Variants in WWOX observed in about 807,000 individuals in gnomAD.
The protein encoded by WWOX is WW domain-containing oxidoreductase.
In WWOX, 69 loss-of-function variants were observed where a neutral mutation model predicts 46.2. The ratio of observed to expected loss-of-function variants is 1.49; its 90% CI spans 1.23 to 1.82. The LOEUF is 1.82. Ranked by LOEUF, WWOX falls within the 40% of genes most tolerant of loss-of-function variation. The pLI is 0.00. For missense variants in WWOX, 919 were observed against 542.6 expected, an observed-to-expected ratio of 1.69 and a Z score of -6.89; for synonymous variants, 359 against 202.6, an observed-to-expected ratio of 1.77 and a Z score of -6.56.
At chr16:78,651,875 G>T (rs1340614532) in intron 8 of WWOX, among the ~76,000 whole-genome samples, 1 of 152,152 alleles carries the variant, frequency 6.6e-6, no homozygotes, top group Non-Finnish European at 1.5e-5. Context: ...TGTGTAGAAT[G>T]GGGAGTATTG....
intron 5 of WWOX, among the ~76,000 whole-genome samples, chr16:78,224,982 G>A (rs139433828): frequency 9.9e-5 from 15 of 152,170 alleles, no homozygotes; most frequent in African/African-American, 3.6e-4. Context: ...TATGTGTTCA[G>A]GAACTATTTA....
At chr16:79,067,243 T>A (rs899293889) in intron 8 of WWOX, among the ~76,000 whole-genome samples, 21 of 152,292 alleles carry the variant, frequency 1.4e-4, no homozygotes, top group African/African-American at 5.1e-4. Flanking sequence ...ACGATTGCTT[T>A]AAAACACATC....
intron 8 of WWOX, among the ~76,000 whole-genome samples, chr16:78,778,663 A>G (rs1370369947): frequency 6.6e-6 from 1 of 152,158 alleles, no homozygotes; most frequent in Non-Finnish European, 1.5e-5. Flanking sequence ...TGAAATGGGA[A>G]CATCACTTAC....
chr16:78,797,172 C>G (rs975560951), intron 8 of WWOX, among the ~76,000 whole-genome samples: 2 of 151,984 alleles, frequency 1.3e-5, no homozygotes, highest in African/African-American at 2.4e-5. Context: ...CCTGCCCTGT[C>G]TGCCTCATTG....
chr16:78,455,901 A>G (rs758868565), intron 8 of WWOX, among the ~76,000 whole-genome samples: 1 of 152,110 alleles, frequency 6.6e-6, no homozygotes, highest in Non-Finnish European at 1.5e-5. Context: ...CATTATTTTA[A>G]CTAGTATTTG....
At chr16:78,956,653 C>T (rs965486805) in intron 8 of WWOX, among the ~76,000 whole-genome samples, 2 of 152,006 alleles carry the variant, frequency 1.3e-5, no homozygotes, top group African/African-American at 4.8e-5. Flanking sequence ...AATTTCATTG[C>T]CCTAAAATAC....
intron 8 of WWOX, among the ~76,000 whole-genome samples, chr16:78,866,811 C>G (rs890898209): frequency 1.3e-5 from 2 of 152,196 alleles, no homozygotes; most frequent in Non-Finnish European, 2.9e-5. Flanking sequence ...GGACCATATC[C>G]AAATTACTGG....
At chr16:78,149,969 C>A (rs1208128611) in intron 4 of WWOX, among the ~76,000 whole-genome samples, 7 of 152,094 alleles carry the variant, frequency 4.6e-5, no homozygotes, top group Non-Finnish European at 8.8e-5. Flanking sequence ...TTCTGGACCC[C>A]AGCTTGGTGT....
Position 79,202,582 on chromosome 16 carries a change from G to A in WWOX, c.1057-9026G>A, listed in dbSNP as rs568265295. The A allele has an allele frequency of 3.3e-5, 5 of 152,244 alleles. No individual in the cohort carries two copies. In the East Asian group the frequency reaches 7.7e-4, roughly 23 times the overall value. 9.4% of individuals were successfully genotyped at this position (152,244 alleles called of 1,614,324 possible). ...AGGTCAGAGCTGGAGTGGGGCACTCGATTCCGGCAAGAGAAGGCAAACAAA... is the reference window on the plus strand; with the variant it reads ...AGGTCAGAGCTGGAGTGGGGCACTCAATTCCGGCAAGAGAAGGCAAACAAA... On this transcript the variant is annotated intron_variant, in intron 8 of 8. Transcript: ENST00000566780.
intron 5 of WWOX, among the ~76,000 whole-genome samples, chr16:78,186,963 G>C (rs137865177): frequency 6.6e-6 from 1 of 152,042 alleles, no homozygotes; most frequent in South Asian, 2.1e-4. Context: ...GATTTTATCC[G>C]AGTTCTGCTA....
intron 8 of WWOX, among the ~76,000 whole-genome samples, chr16:79,097,743 AG>A (rs1481293139): frequency 1.3e-5 from 2 of 152,262 alleles, no homozygotes; most frequent in East Asian, 3.9e-4. Context: ...TATTTAGGGA[AG>A]GCGATCATGT....
intron 5 of WWOX, among the ~76,000 whole-genome samples, chr16:78,177,141 C>T (rs1345509992): frequency 4.6e-5 from 7 of 152,300 alleles, no homozygotes; most frequent in Non-Finnish European, 1.5e-5. Context: ...TCTCATGCAG[C>T]TTGCTTTTTC....
intron 8 of WWOX, among the ~76,000 whole-genome samples, chr16:78,800,780 C>G (rs2050865845): frequency 1.3e-5 from 2 of 152,164 alleles, no homozygotes; most frequent in Admixed American, 1.3e-4. Context: ...GGGTCTGTGT[C>G]AGGCATGTAG....
At chr16:78,757,171 G>T (rs1452612392) in intron 8 of WWOX, among the ~76,000 whole-genome samples, 1 of 152,122 alleles carries the variant, frequency 6.6e-6, no homozygotes. Flanking sequence ...AGAAATTCTT[G>T]TGCGAGATAA....
At chr16:78,136,373 A>G (rs1367016553) in intron 4 of WWOX, among the ~76,000 whole-genome samples, 1 of 152,188 alleles carries the variant, frequency 6.6e-6, no homozygotes, top group Non-Finnish European at 1.5e-5. Flanking sequence ...GGCTTATTTG[A>G]TTCCCAGGAC....
intron 8 of WWOX, among the ~76,000 whole-genome samples, chr16:79,116,454 G>A (rs143893526): frequency 1.6e-4 from 25 of 152,224 alleles, no homozygotes; most frequent in Middle Eastern, 3.4e-3. Context: ...CATTCATGAC[G>A]TTGTTCATGA....
At chr16:78,111,177 C>G (rs908832868) in intron 3 of WWOX, among the ~76,000 whole-genome samples, 6 of 152,060 alleles carry the variant, frequency 3.9e-5, no homozygotes, top group African/African-American at 1.4e-4. Context: ...TCTACAATTT[C>G]TACTTTCATT....
At chr16:78,708,718 C>A (rs116346070) in intron 8 of WWOX, among the ~76,000 whole-genome samples, 1 of 152,088 alleles carries the variant, frequency 6.6e-6, no homozygotes, top group Admixed American at 6.6e-5. Context: ...TATTATTGTC[C>A]GCACTCCAAA....
intron 8 of WWOX, among the ~76,000 whole-genome samples, chr16:79,114,149 A>C (rs1390582445): frequency 1.3e-5 from 2 of 152,070 alleles, no homozygotes; most frequent in Non-Finnish European, 2.9e-5. Flanking sequence ...CATGCTTTTA[A>C]TTGCTGCTTG....
Sources: gnomAD v4.1 joint callset for allele counts (sites outside exome capture counted in the v4.1 genomes callset) on GRCh38, gnomAD v4.1.1 for gene constraint, MANE v1.5 for transcripts, NCBI Gene and HGNC (gene_info 2026-07-23, HGNC 2026-07-21) for gene names.